The following FERMT1 variants were observed in gnomAD, a reference collection of about 807,000 sequenced individuals.
FERMT1 encodes the protein fermitin family homolog 1.
Under a neutral mutation model 85.3 loss-of-function variants are expected in FERMT1, and 60 were observed. That is an observed-to-expected ratio of 0.70 (90% CI 0.57 to 0.87). The LOEUF (loss-of-function observed/expected upper bound fraction) is 0.87. Among genes scored for constraint, FERMT1 ranks in the 40% least tolerant of loss-of-function variants. FERMT1 has a pLI of 0.00. For missense variants in FERMT1, 701 were observed against 818.9 expected, an observed-to-expected ratio of 0.86 and a Z score of 1.76; for synonymous variants, 275 against 301.1, an observed-to-expected ratio of 0.91 and a Z score of 0.90.
chr20:6,101,919 G>T (rs1982669531), intron 6 of FERMT1, among the ~76,000 whole-genome samples: 1 of 151,998 alleles, frequency 6.6e-6, no homozygotes, highest in Non-Finnish European at 1.5e-5. Flanking sequence ...GCCTCCCAAA[G>T]TGCTGGGATT....
chr20:6,080,973 T>A (rs1023077601), intron 13 of FERMT1, among the ~76,000 whole-genome samples: 1 of 152,076 alleles, frequency 6.6e-6, no homozygotes, highest in Non-Finnish European at 1.5e-5. Context: ...GAGTAGAGAT[T>A]GAGAAGAGGA....
intron 2 of FERMT1, among the ~76,000 whole-genome samples, chr20:6,116,504 G>A (rs891496738): frequency 5.3e-5 from 8 of 152,040 alleles, no homozygotes; most frequent in Non-Finnish European, 1.0e-4. Flanking sequence ...TGATGCAAGC[G>A]ATCACCTGAG....
chr20:6,101,358 A>AT lies in FERMT1; in HGVS notation c.850-3728dup, dbSNP rs1421052061. 1.2e-4 allele frequency among the ~76,000 whole-genome samples: 18 copies of AT among 152,072 alleles called. No individual in the cohort carries two copies. The East Asian group carries it at 3.3e-3, about 28-fold the overall frequency. ...TACAGTTTATTTAGCCTTTCCTTTGATTTTTTTTCAGTGGTTAAAAAAAGT... is the reference window on the plus strand; with the variant it reads ...TACAGTTTATTTAGCCTTTCCTTTGATTTTTTTTTCAGTGGTTAAAAAAAGT... On this transcript the variant is annotated intron_variant, in intron 6 of 14. Coordinates refer to ENST00000217289, the MANE Select transcript of FERMT1 (RefSeq NM_017671.5).
At chr20:6,088,417 A>G (rs1157702854) in intron 10 of FERMT1, among the ~76,000 whole-genome samples, 2 of 152,196 alleles carry the variant, frequency 1.3e-5, no homozygotes, top group African/African-American at 4.8e-5. Context: ...AATTACCACC[A>G]CATCATAAAC....
chr20:6,091,744 C>CTA (rs1982375372), intron 9 of FERMT1, among the ~76,000 whole-genome samples: 1 of 152,130 alleles, frequency 6.6e-6, no homozygotes, highest in Non-Finnish European at 1.5e-5. Flanking sequence ...TCTCAAGTTC[C>CTA]TCCTCCTATC....
At chr20:6,114,467 T>G (rs1464458690) in intron 3 of FERMT1, among the ~76,000 whole-genome samples, 1 of 152,204 alleles carries the variant, frequency 6.6e-6, no homozygotes, top group Non-Finnish European at 1.5e-5. Context: ...CTTGAAAACT[T>G]TACATTTTTG....
At chr20:6,086,470 AG>A (rs1982190054) in intron 11 of FERMT1, among the ~76,000 whole-genome samples, 1 of 152,142 alleles carries the variant, frequency 6.6e-6, no homozygotes, top group Non-Finnish European at 1.5e-5. Context: ...CAGAAGTGCA[AG>A]GGATACAGTT....
chr20:6,081,209 G>A (rs1299166795), intron 13 of FERMT1, among the ~76,000 whole-genome samples: 2 of 151,680 alleles, frequency 1.3e-5, no homozygotes, highest in Non-Finnish European at 2.9e-5. Context: ...CCAGGAGTTT[G>A]AGGTTATAGT....
chr20:6,082,901 C>A (rs1189171781), intron 13 of FERMT1, among the ~76,000 whole-genome samples: 1 of 152,028 alleles, frequency 6.6e-6, no homozygotes, highest in African/African-American at 2.4e-5. Flanking sequence ...CTCAGGCAAT[C>A]CGTCCACTTT....
At position 6,085,048 on chromosome 20, in the gene FERMT1, T is replaced by C; in HGVS notation, c.1593+18A>G. On this transcript the variant is annotated intron_variant, in intron 12 of 14. Transcript: ENST00000217289. Reference sequence around the variant, plus strand: ...AAGAATTTACTGCAAACAATTGCCCTAACAAGATTAACAGTACCTGTTTGG... The same window carrying C: ...AAGAATTTACTGCAAACAATTGCCCCAACAAGATTAACAGTACCTGTTTGG... The C allele has an allele frequency of 1.9e-6, 3 of 1,597,386 alleles. No homozygotes were observed. Among genetic ancestry groups the C allele is most frequent in the Non-Finnish European group, 2.6e-6 (3 of 1,164,752 alleles).
chr20:6,112,251 C>G (rs1444609222), intron 4 of FERMT1, among the ~76,000 whole-genome samples: 1 of 152,092 alleles, frequency 6.6e-6, no homozygotes, highest in Admixed American at 6.6e-5. Flanking sequence ...CATTCATTGG[C>G]AACATCAGAT....
At chr20:6,114,154 A>G (rs921651011) in intron 3 of FERMT1, among the ~76,000 whole-genome samples, 2 of 152,196 alleles carry the variant, frequency 1.3e-5, no homozygotes, top group Non-Finnish European at 2.9e-5. Flanking sequence ...GCAGCCAAGG[A>G]TTGTCAGGTT....
intron 3 of FERMT1, among the ~76,000 whole-genome samples, chr20:6,113,830 C>G (rs1983028099): frequency 6.6e-6 from 1 of 152,188 alleles, no homozygotes; most frequent in Non-Finnish European, 1.5e-5. Context: ...ACAGTATTTC[C>G]TGGCATCACC....
At chr20:6,098,624 G>A (rs892728411) in intron 6 of FERMT1, among the ~76,000 whole-genome samples, 4 of 151,740 alleles carry the variant, frequency 2.6e-5, no homozygotes, top group African/African-American at 7.3e-5. Context: ...AGCAGGGGAA[G>A]GAAGAATTCA....
At chr20:6,079,399 T>C (rs1349207173) in intron 14 of FERMT1, 37 bp downstream of exon 14, 1 of 1,610,770 alleles carries the variant, frequency 6.2e-7, no homozygotes, top group South Asian at 1.1e-5. Flanking sequence ...CACACATTTA[T>C]AGGCTCAACA....
At position 6,122,253 on chromosome 20, in the gene FERMT1, A is replaced by C. The variant is rs545467111; in HGVS notation, c.-19+521T>G. On this transcript the variant is annotated intron_variant, in intron 1 of 14. Coordinates refer to ENST00000217289, the MANE Select transcript of FERMT1 (RefSeq NM_017671.5). ...ATTTTTGAGTGAACGTCTAGTCTGC[A>C]GCAAGCTGTTACTTGTCAAGGATAG... 2.0e-5 allele frequency among the ~76,000 whole-genome samples: 3 copies of C among 152,340 alleles called. No individual in the cohort carries two copies. The South Asian group carries it at 6.2e-4, about 32-fold the overall frequency.
At chr20:6,081,935 T>C (rs1013459536) in intron 13 of FERMT1, among the ~76,000 whole-genome samples, 1 of 152,156 alleles carries the variant, frequency 6.6e-6, no homozygotes, top group Non-Finnish European at 1.5e-5. Context: ...ACCCACTTCT[T>C]ACTCCACCCG....
chr20:6,120,592 T>C (rs1361440688), intron 1 of FERMT1: 1 of 152,268 alleles, frequency 6.6e-6, no homozygotes, highest in Non-Finnish European at 1.5e-5. Flanking sequence ...TCCTGGCTGT[T>C]TTAAACATTT....
At position 6,089,225 on chromosome 20, in the gene FERMT1, C is replaced by T; in HGVS notation, c.1140-136G>A. The T allele has an allele frequency of 3.5e-6, 3 of 859,762 alleles. No homozygotes were observed. In the South Asian group the frequency reaches 4.2e-5, roughly 12 times the overall value. 53.3% of individuals were successfully genotyped at this position (859,762 alleles called of 1,614,324 possible). A position where few individuals can be genotyped will look rare whatever the true frequency, so the allele number is the denominator to read the frequency against. On this transcript the variant is annotated intron_variant, in intron 9 of 14. Transcript: ENST00000217289. ...TTTTTTCAAAAATAATTTCAAATTGCTAATTTCCAAGCGCTGGAAATGAAA... is the reference window on the plus strand; with the variant it reads ...TTTTTTCAAAAATAATTTCAAATTGTTAATTTCCAAGCGCTGGAAATGAAA...
Sources: gnomAD v4.1 joint callset for allele counts (sites outside exome capture counted in the v4.1 genomes callset) on GRCh38, gnomAD v4.1.1 for gene constraint, MANE v1.5 for transcripts, NCBI Gene and HGNC (gene_info 2026-07-23, HGNC 2026-07-21) for gene names.